Variants in CAMK1D observed in about 807,000 individuals in gnomAD.
CAMK1D encodes the protein calcium/calmodulin dependent protein kinase ID, also known as calcium/calmodulin-dependent protein kinase type 1D.
Under a neutral mutation model 47.7 loss-of-function variants are expected in CAMK1D, and 9 were observed. The ratio of observed to expected loss-of-function variants is 0.19; its 90% CI spans 0.11 to 0.33. The LOEUF (loss-of-function observed/expected upper bound fraction) is 0.33, where lower values mean the gene tolerates loss of function less well. Among genes scored for constraint, CAMK1D ranks in the 10% least tolerant of loss-of-function variants. The probability of loss-of-function intolerance (pLI) is 1.00; values close to 1 mark genes in which losing one functional copy is unlikely to be tolerated. For missense variants in CAMK1D, 291 were observed against 488.7 expected (o/e 0.60, Z 3.81); for synonymous variants, 184 against 184.9 (o/e 0.99, Z 0.04).
intron 7 of CAMK1D, 147 bp from the exon 8 acceptor site, chr10:12,816,103 T>C: frequency 1.8e-6 from 1 of 570,274 alleles, no homozygotes; most frequent in Admixed American, 3.4e-5. Flanking sequence ...CGCTGGTGCC[T>C]TTGTGTCCAA....
intron 1 of CAMK1D, among the ~76,000 whole-genome samples, chr10:12,443,002 A>G (rs1832826031): frequency 6.6e-6 from 1 of 151,958 alleles, no homozygotes; most frequent in Non-Finnish European, 1.5e-5. Context: ...TTCTCTCACT[A>G]TTTCTTTGCT....
At chr10:12,373,978 G>C (rs1182977696) in intron 1 of CAMK1D, among the ~76,000 whole-genome samples, 1 of 63,632 alleles carries the variant, frequency 1.6e-5, no homozygotes, top group Non-Finnish European at 3.5e-5. Context: ...AAAAAAAAAA[G>C]TCCAGGTGCA....
At chr10:12,682,247 AAGTT>A (rs1398060482) in intron 3 of CAMK1D, among the ~76,000 whole-genome samples, 1 of 152,042 alleles carries the variant, frequency 6.6e-6, no homozygotes, top group Non-Finnish European at 1.5e-5. Flanking sequence ...AAACAAAAAA[AAGTT>A]AGTTTTGACA....
At chr10:12,378,496 A>T (rs1023879880) in intron 1 of CAMK1D, among the ~76,000 whole-genome samples, 3 of 150,574 alleles carry the variant, frequency 2.0e-5, no homozygotes, top group Admixed American at 6.6e-5. Context: ...TGGCTTCCCA[A>T]GGTGTTGGGA....
intron 6 of CAMK1D, among the ~76,000 whole-genome samples, chr10:12,810,372 TCAA>T: frequency 6.6e-6 from 1 of 150,838 alleles, no homozygotes; most frequent in Non-Finnish European, 1.5e-5. Flanking sequence ...CCTCCCGGGT[TCAA>T]GCAATTCTCC....
At chr10:12,360,591 A>G (rs1837629940) in intron 1 of CAMK1D, among the ~76,000 whole-genome samples, 1 of 152,196 alleles carries the variant, frequency 6.6e-6, no homozygotes, top group African/African-American at 2.4e-5. Context: ...GTCATTTACT[A>G]TGTAAGTGAT....
At chr10:12,462,320 C>T (rs539498674) in intron 1 of CAMK1D, among the ~76,000 whole-genome samples, 2 of 151,994 alleles carry the variant, frequency 1.3e-5, no homozygotes, top group Non-Finnish European at 2.9e-5. Flanking sequence ...CACGCGCCAC[C>T]GTGGCCAGCT....
intron 1 of CAMK1D, among the ~76,000 whole-genome samples, chr10:12,393,562 G>A (rs555969049): frequency 6.6e-6 from 1 of 152,332 alleles, no homozygotes; most frequent in African/African-American, 2.4e-5. Context: ...GGGACATTCA[G>A]CGAATTAAGT....
At chr10:12,655,215 A>G (rs944469523) in intron 2 of CAMK1D, among the ~76,000 whole-genome samples, 4 of 152,120 alleles carry the variant, frequency 2.6e-5, no homozygotes, top group Admixed American at 6.5e-5. Context: ...ATGGAAGGCA[A>G]AGGGGGAGCA....
intron 1 of CAMK1D, among the ~76,000 whole-genome samples, chr10:12,542,894 C>A (rs1234839222): frequency 6.6e-6 from 1 of 152,000 alleles, no homozygotes; most frequent in African/African-American, 2.4e-5. Context: ...TACAGGCATG[C>A]GCCACCATGC....
intron 2 of CAMK1D, among the ~76,000 whole-genome samples, chr10:12,624,211 C>T (rs944977165): frequency 3.3e-5 from 5 of 151,008 alleles, no homozygotes; most frequent in Non-Finnish European, 5.9e-5. Context: ...AGAGTGTGTG[C>T]GTGTGTGTGT....
At chr10:12,671,955 G>A (rs373124897) in intron 3 of CAMK1D, among the ~76,000 whole-genome samples, 1 of 132,892 alleles carries the variant, frequency 7.5e-6, no homozygotes, top group African/African-American at 2.9e-5. Flanking sequence ...TCAGTCTGTC[G>A]CCCAGGCTGG....
chr10:12,621,298 C>A (rs896552586), intron 2 of CAMK1D, among the ~76,000 whole-genome samples: 9 of 152,168 alleles, frequency 5.9e-5, no homozygotes, highest in South Asian at 2.1e-4. Context: ...AGAATAATCT[C>A]ACTCATGGCT....
At chr10:12,609,298 C>T (rs1379014497) in intron 2 of CAMK1D, among the ~76,000 whole-genome samples, 1 of 152,036 alleles carries the variant, frequency 6.6e-6, no homozygotes, top group Admixed American at 6.5e-5. Context: ...ATCTTTTGGG[C>T]ACCAGGACCA....
Position 12,583,966 on chromosome 10 carries a change from G to A in CAMK1D, c.224+30610G>A, listed in dbSNP as rs139225911. Among the ~76,000 whole-genome samples, 24 of 152,274 alleles carry A rather than the reference G, an allele frequency of 1.6e-4. No homozygotes were observed. In the East Asian group the frequency reaches 4.1e-3, roughly 26 times the overall value. On this transcript the variant is annotated intron_variant, in intron 2 of 10. Coordinates refer to ENST00000619168, the MANE Select transcript of CAMK1D (RefSeq NM_153498.4). ...GCCAGATTTAGGATAATCAGGACAT[G>A]ACAATAGCCAAGTTGCCTGTCAGCA...
intron 3 of CAMK1D, among the ~76,000 whole-genome samples, chr10:12,668,679 G>T (rs1269772169): frequency 1.3e-5 from 2 of 152,096 alleles, no homozygotes; most frequent in Non-Finnish European, 1.5e-5. Flanking sequence ...TCTACAGATG[G>T]TCTTTAATTT....
At chr10:12,384,423 A>C (rs1838430534) in intron 1 of CAMK1D, among the ~76,000 whole-genome samples, 1 of 152,218 alleles carries the variant, frequency 6.6e-6, no homozygotes, top group Non-Finnish European at 1.5e-5. Flanking sequence ...AGAAGAGCAA[A>C]GTTGGATGAC....
chr10:12,746,821 A>G (rs1044279399), intron 3 of CAMK1D, among the ~76,000 whole-genome samples: 1 of 152,174 alleles, frequency 6.6e-6, no homozygotes, highest in Middle Eastern at 3.2e-3. Flanking sequence ...TGAGGGGTTT[A>G]ACTAAAAGGC....
intron 3 of CAMK1D, among the ~76,000 whole-genome samples, chr10:12,687,081 G>C (rs1271120625): frequency 6.6e-6 from 1 of 152,160 alleles, no homozygotes; most frequent in Non-Finnish European, 1.5e-5. Context: ...TTGAGAGAAG[G>C]AGGTAGGTAC....
Sources: allele counts gnomAD v4.1 joint callset (sites outside exome capture counted in the v4.1 genomes callset), GRCh38; gene constraint gnomAD v4.1.1; transcripts MANE v1.5; gene names NCBI Gene and HGNC (gene_info 2026-07-23, HGNC 2026-07-21).